Variants in C2orf72 observed in about 807,000 individuals in gnomAD.
C2orf72 encodes chromosome 2 open reading frame 72.
In C2orf72, 16 loss-of-function variants were observed where a neutral mutation model predicts 14.4. The observed-to-expected ratio is 1.11, with a 90% confidence interval of 0.75 to 1.69. The LOEUF (loss-of-function observed/expected upper bound fraction) is 1.69. Among genes scored for constraint, C2orf72 ranks in the 40% most tolerant of loss-of-function variants. C2orf72 has a pLI of 0.00. For synonymous variants in C2orf72, 168 were observed against 176.8 expected, an observed-to-expected ratio of 0.95 and a Z score of 0.40; for missense variants, 371 against 358.3, an observed-to-expected ratio of 1.04 and a Z score of -0.29.
intron 2 of C2orf72, 43 bp from the exon 3 acceptor site, chr2:231,046,839 A>T: frequency 6.6e-7 from 1 of 1,520,756 alleles, no homozygotes; most frequent in South Asian, 1.2e-5. Flanking sequence ...CTCACTCACA[A>T]CCTTTCTCTT....
intron 2 of C2orf72, among the ~76,000 whole-genome samples, chr2:231,043,181 C>G (rs143182070): frequency 6.6e-6 from 1 of 152,162 alleles, no homozygotes; most frequent in Non-Finnish European, 1.5e-5. Context: ...AGGAGAACCC[C>G]GCTCTCCAGT....
At chr2:231,046,783 G>A (rs1279836736) in intron 2 of C2orf72, 99 bp from the exon 3 acceptor site, 2 of 1,231,374 alleles carry the variant, frequency 1.6e-6, no homozygotes, top group Non-Finnish European at 2.2e-6. Context: ...TGTTTTTTAA[G>A]TAGGTATTTG....
rs959260121 is a variant in C2orf72, at chr2:231,048,539, C to CT, written c.*1521dup. 3.3e-5 allele frequency: 5 copies of CT among 152,596 alleles called. No individual in the cohort carries two copies. Among genetic ancestry groups the CT allele is most frequent in the Non-Finnish European group, 7.3e-5 (5 of 68,334 alleles). The allele number at this position is 152,596 out of a possible 1,614,324, so 9.5% of individuals were successfully genotyped here. ...GCTCCTGGACAGCAGTGGGTCTCAC[C>CT]TTTAGCCTCTGCCCCCAGTTCTGGT... On this transcript the variant is annotated 3_prime_UTR_variant, in exon 3 of 3. Coordinates refer to ENST00000373640, the MANE Select transcript of C2orf72 (RefSeq NM_001144994.2).
At chr2:231,039,794 G>A (rs1460765898) in intron 1 of C2orf72, among the ~76,000 whole-genome samples, 4 of 151,560 alleles carry the variant, frequency 2.6e-5, no homozygotes, top group African/African-American at 9.7e-5. Context: ...CCAGGCTGGA[G>A]TGCAATGATG....
Position 231,037,642 on chromosome 2 carries a change from C to A in C2orf72, c.77C>A (p.Ala26Glu). ...AEPPFQALVEAAGGRGQVLLV... is the reference protein window; with the variant it reads ...AEPPFQALVEEAGGRGQVLLV... Reference sequence around the variant, plus strand: ...CCGCCCTTCCAGGCGTTGGTGGAAGCGGCGGGGGGCCGCGGGCAGGTGCTG... The same window carrying A: ...CCGCCCTTCCAGGCGTTGGTGGAAGAGGCGGGGGGCCGCGGGCAGGTGCTG... Residue 26 changes from alanine to glutamate, a missense_variant, in exon 1 of 3, where the codon GCG (alanine) becomes GAG (glutamate). Ala to Glu is a moderately radical substitution (Grantham distance 107). Coordinates refer to ENST00000373640, the MANE Select transcript of C2orf72 (RefSeq NM_001144994.2). The A allele has an allele frequency of 1.8e-6, 2 of 1,118,382 alleles. No individual in the cohort carries two copies. Among genetic ancestry groups the A allele is most frequent in the Admixed American group, 4.6e-5 (1 of 21,558 alleles). The allele number at this position is 1,118,382 out of a possible 1,614,324, so 69.3% of individuals were successfully genotyped here.
chr2:231,044,637 CCTTATTTAGTAGG>C (rs1466115705), intron 2 of C2orf72, among the ~76,000 whole-genome samples: 1 of 148,108 alleles, frequency 6.8e-6, no homozygotes, highest in Non-Finnish European at 1.5e-5. Flanking sequence ...TTCTTTATAT[CCTTATTTAGTAGG>C]CTTTTTCCTA....
At chr2:231,044,636 T>C (rs1693386242) in intron 2 of C2orf72, among the ~76,000 whole-genome samples, 1 of 151,144 alleles carries the variant, frequency 6.6e-6, no homozygotes, top group South Asian at 2.1e-4. Flanking sequence ...TTTCTTTATA[T>C]CCTTATTTAG....
intron 2 of C2orf72, among the ~76,000 whole-genome samples, chr2:231,042,481 C>T (rs566719077): frequency 2.0e-5 from 3 of 152,260 alleles, no homozygotes; most frequent in African/African-American, 7.2e-5. Context: ...TTGGACTGTA[C>T]CGCAGGTAAC....
rs1279557926 is a variant in C2orf72, at chr2:231,038,170, C to T, written c.605C>T (p.Ala202Val). 5.1e-6 allele frequency: 6 copies of T among 1,181,370 alleles called. No individual in the cohort carries two copies. The highest frequency in any genetic ancestry group is 7.3e-5 in the East Asian group (2 of 27,230). 73.2% of individuals were successfully genotyped at this position (1,181,370 alleles called of 1,614,324 possible). ...GCCGTCCAGGCGGCCGCCTGCAGGG[C>T]CCTGCAAGCCGCCGGAGCCGGGCAA... ...CLAVQAAACR[A>V]LQAAGAGQPV... The change falls in exon 1 of 3, where the codon GCC becomes GTC. Residue 202 changes from alanine (A) to valine (V), a missense_variant. Physicochemically the swap from Ala to Val is moderately conservative, Grantham distance 64. Around this residue, in one of 3 missense-constraint regions of C2orf72, gnomAD observed 145 missense variants for 149.4 expected, o/e 0.97. Transcript: ENST00000373640.
intron 1 of C2orf72, among the ~76,000 whole-genome samples, chr2:231,038,795 G>GC (rs985547463): frequency 3.9e-5 from 6 of 152,062 alleles, no homozygotes; most frequent in Admixed American, 2.0e-4. Flanking sequence ...GGGACTAAGA[G>GC]TACATTTTCT....
Position 231,041,393 on chromosome 2 carries a change from CAGA to C in C2orf72, c.735_737del (p.Arg245del). ...GGAAGAACCAGGATGTTGCTGCCTG[CAGA>C]AGCTCAGCTCAGGGTGAGTGCTCCC... On this transcript the variant is annotated inframe_deletion, in exon 2 of 3. Coordinates refer to ENST00000373640, the MANE Select transcript of C2orf72 (RefSeq NM_001144994.2). 2 of 1,551,244 alleles carry C rather than the reference CAGA, an allele frequency of 1.3e-6. No homozygotes were observed. The highest frequency in any genetic ancestry group is 1.7e-6 in the Non-Finnish European group (2 of 1,146,794).
rs146241761 is a variant in C2orf72, at chr2:231,047,286, A to G, written c.*265A>G. 1,508 of 532,436 alleles carry G rather than the reference A, an allele frequency of 2.8e-3. 18 individuals carry two copies. Among genetic ancestry groups the G allele is most frequent in the African/African-American group, 0.026 (1,358 of 53,140 alleles). The allele number at this position is 532,436 out of a possible 1,614,324, so 33.0% of individuals were successfully genotyped here. ...TTGTCTCTCTGTCTCGGTTTCTCTG[A>G]GCCACTGAGACAGATGGCTGTCCGC... On this transcript the variant is annotated 3_prime_UTR_variant, in exon 3 of 3. Coordinates refer to ENST00000373640, the MANE Select transcript of C2orf72 (RefSeq NM_001144994.2).
chr2:231,039,321 TAAA>T lies in C2orf72; in HGVS notation c.634+1138_634+1140del, dbSNP rs11462715. Among the ~76,000 whole-genome samples, 338 of 126,824 alleles carry T rather than the reference TAAA, an allele frequency of 2.7e-3. 2 individuals are homozygous for T. Among genetic ancestry groups the T allele is most frequent in the African/African-American group, 9.4e-3 (313 of 33,432 alleles). 83.2% of individuals were successfully genotyped at this position (126,824 alleles called of 152,430 possible). ...ACATGTACCCTAAAACTTAAAGTAT[TAAA>T]AAAAAAAAAAAAAAAGAGTAGCTGC... On this transcript the variant is annotated intron_variant, in intron 1 of 2. Coordinates refer to ENST00000373640, the MANE Select transcript of C2orf72 (RefSeq NM_001144994.2).
rs924973574 is a variant in C2orf72 at position 231,046,942 on chromosome 2, G to A, written c.809G>A (p.Cys270Tyr). 22 of 1,551,684 alleles carry A rather than the reference G, an allele frequency of 1.4e-5. No individual in the cohort carries two copies. The African/African-American group carries it at 3.0e-4, about 21-fold the overall frequency. Residue 270 changes from cysteine (C) to tyrosine (Y), a missense_variant, in exon 3 of 3, where the codon TGT becomes TAT. This residue lies in a region of C2orf72 where 145 missense variants were observed against 149.4 expected (regional missense o/e 0.97). Transcript: ENST00000373640. ...PLTAIFPNGD[C>Y]DDLGRGSKAC... ...ACAGCCATATTTCCCAATGGAGACT[G>A]TGATGACCTTGGAAGGGGGTCAAAA...
intron 2 of C2orf72, 132 bp downstream of exon 2, chr2:231,041,541 G>T: frequency 1.5e-6 from 1 of 653,028 alleles, no homozygotes; most frequent in Admixed American, 2.9e-5. Flanking sequence ...GCCAGGTGTG[G>T]GGATGAGCAA....
chr2:231,037,576 A>AGCTGGAGGC lies in C2orf72; in HGVS notation c.17_25dup (p.Glu6_Leu8dup). 9.5e-7 allele frequency: 1 copy of AGCTGGAGGC among 1,048,224 alleles called. No individual in the cohort carries two copies. The highest frequency in any genetic ancestry group is 1.1e-6 in the Non-Finnish European group (1 of 873,226). 64.9% of individuals were successfully genotyped at this position (1,048,224 alleles called of 1,614,324 possible). Reference sequence around the variant, plus strand: ...CGGGCGGCGGCCAGCATGGAGCGCGAGCTGGAGGCGCTGGCGGCCCGGCTT... The same window carrying AGCTGGAGGC: ...CGGGCGGCGGCCAGCATGGAGCGCGAGCTGGAGGCGCTGGAGGCGCTGGCGGCCCGGCTT... On this transcript the variant is annotated inframe_insertion, in exon 1 of 3. Coordinates refer to ENST00000373640, the MANE Select transcript of C2orf72 (RefSeq NM_001144994.2).
At position 231,037,813 on chromosome 2, in the gene C2orf72, A is replaced by AGAGGGCGGC. The variant is rs1310185613; in HGVS notation, c.258_266dup (p.Arg87_Ala89dup). ...GGGCCCGGGGCGGCGCGCGGGGCGC[A>AGAGGGCGGC]GAGGGCGGCGAGGGCGGCTGGGGCG... On this transcript the variant is annotated inframe_insertion, in exon 1 of 3. Coordinates refer to ENST00000373640, the MANE Select transcript of C2orf72 (RefSeq NM_001144994.2). 6.2e-3 allele frequency: 6,016 copies of AGAGGGCGGC among 977,950 alleles called. 16 individuals are homozygous for AGAGGGCGGC. The highest frequency in any genetic ancestry group is 9.5e-3 in the Middle Eastern group (18 of 1,898). 60.6% of individuals were successfully genotyped at this position (977,950 alleles called of 1,614,324 possible).
Position 231,040,736 on chromosome 2 carries a change from T to C in C2orf72, c.635-560T>C, listed in dbSNP as rs558353079. Among the ~76,000 whole-genome samples the C allele has an allele frequency of 2.0e-5, 3 of 152,360 alleles. No homozygotes were observed. The South Asian group carries it at 6.2e-4, about 32-fold the overall frequency. ...TTCGTGGTACCTAATCCAGCTGCCT[T>C]TGGGTTGAAAAACTAAGGATACAGT... On this transcript the variant is annotated intron_variant, in intron 1 of 2. Transcript: ENST00000373640.
intron 2 of C2orf72, among the ~76,000 whole-genome samples, chr2:231,044,666 ATTTTTT>A (rs934535205): frequency 4.3e-5 from 5 of 115,096 alleles, no homozygotes; most frequent in South Asian, 5.4e-4. Context: ...TCCTATTTTA[ATTTTTT>A]TTTTTTTTTT....
Sources: allele counts gnomAD v4.1 joint callset (sites outside exome capture counted in the v4.1 genomes callset), GRCh38; gene constraint gnomAD v4.1.1; regional missense constraint gnomAD v4.1.1; transcripts MANE v1.5; gene names NCBI Gene and HGNC (gene_info 2026-07-23, HGNC 2026-07-21).